THRB: variants seen among roughly 807,000 people sequenced by gnomAD.
THRB encodes the protein nuclear receptor subfamily 1 group A member 2.
A neutral mutation model predicts 47.8 loss-of-function variants in THRB; 12 were observed. The ratio of observed to expected loss-of-function variants is 0.25; its 90% CI spans 0.16 to 0.41. The LOEUF is 0.41. Among genes scored for constraint, THRB ranks in the 10% least tolerant of loss-of-function variants. THRB has a pLI of 1.00. For synonymous variants in THRB, 218 were observed against 212.2 expected, an observed-to-expected ratio of 1.03 and a Z score of -0.24; for missense variants, 348 against 589.2, an observed-to-expected ratio of 0.59 and a Z score of 4.24.
chr3:24,306,837 C>T (rs1235246887), intron 2 of THRB, among the ~76,000 whole-genome samples: 3 of 152,150 alleles, frequency 2.0e-5, no homozygotes, highest in African/African-American at 7.2e-5. Flanking sequence ...TGGATGTAAA[C>T]AGTTGTCTCT....
At chr3:24,267,216 TAGTC>T (rs67848946) in intron 3 of THRB, among the ~76,000 whole-genome samples, 28,469 of 151,758 alleles carry the variant, frequency 0.19, 2,683 homozygotes, top group South Asian at 0.27. Flanking sequence ...TTTCATAAAA[TAGTC>T]AGTGAAGAGG....
intron 8 of THRB, among the ~76,000 whole-genome samples, chr3:24,135,041 G>A (rs1261020307): frequency 6.6e-6 from 1 of 152,162 alleles, no homozygotes; most frequent in Non-Finnish European, 1.5e-5. Flanking sequence ...TGATTCAGCA[G>A]GTCAGGGATG....
In THRB at chr3:24,228,635, A is replaced by AG. The variant is rs1491211266; in HGVS notation, c.22+302dup. On this transcript the variant is annotated intron_variant, in intron 4 of 10. Coordinates refer to ENST00000646209, the MANE Select transcript of THRB (RefSeq NM_001354712.2). ...GTGACAGAGCAAGACCATGTCTCAA[A>AG]GAAAAAAAAAAAAAAAAGGAAAAAA... 2.3e-5 allele frequency among the ~76,000 whole-genome samples: 3 copies of AG among 131,610 alleles called. No homozygotes were observed. In the South Asian group the frequency reaches 7.3e-4, roughly 32 times the overall value. 86.3% of individuals were successfully genotyped at this position (131,610 alleles called of 152,430 possible).
intron 1 of THRB, among the ~76,000 whole-genome samples, chr3:24,464,143 G>A (rs981590026): frequency 5.3e-5 from 8 of 152,000 alleles, no homozygotes; most frequent in Non-Finnish European, 1.0e-4. Flanking sequence ...CTACTCAAAA[G>A]GCTGAGGCAG....
chr3:24,453,993 C>T (rs1043905767), intron 1 of THRB, among the ~76,000 whole-genome samples: 9 of 152,102 alleles, frequency 5.9e-5, no homozygotes, highest in Non-Finnish European at 1.3e-4. Context: ...TCTTAGCACC[C>T]GCTCTCTACT....
chr3:24,369,945 G>A (rs748251163), intron 1 of THRB, among the ~76,000 whole-genome samples: 7 of 152,138 alleles, frequency 4.6e-5, no homozygotes, highest in Non-Finnish European at 1.0e-4. Context: ...CAAATCCCAT[G>A]TTTTAGAGCT....
In THRB at chr3:24,251,223, T is replaced by C. The variant is rs2050635222; in HGVS notation, c.-42-22222A>G. 3.9e-5 allele frequency among the ~76,000 whole-genome samples: 6 copies of C among 152,248 alleles called. No homozygotes were observed. In the South Asian group the frequency reaches 8.3e-4, roughly 21 times the overall value. ...AATGCTGTACTTACTAAAGGAAATA[T>C]CTTAAATGTCATAGTTTTATACATT... is the stretch of plus-strand genomic sequence containing the variant. On this transcript the variant is annotated intron_variant, in intron 3 of 10. Transcript: ENST00000646209.
Position 24,143,540 on chromosome 3 carries a change from G to A in THRB, c.699C>T (p.Asn233=), listed in dbSNP as rs759545673. The A allele has an allele frequency of 2.7e-5, 44 of 1,614,080 alleles. No individual in the cohort carries two copies. The highest frequency in any genetic ancestry group is 1.6e-4 in the Middle Eastern group (1 of 6,082). The change falls in exon 8 of 11, where the codon AAC becomes AAT. Residue 233 remains asparagine, a synonymous_variant. Transcript: ENST00000646209. The part of the protein sequence containing the change: ...KTVTEAHVAT[N]AQGSHWKQKR... Reference sequence around the variant, plus strand: ...TTTGCTTCCAGTGGCTGCCTTGGGCGTTGGTCGCCACATGGGCTTCGGTGA... The same window carrying A: ...TTTGCTTCCAGTGGCTGCCTTGGGCATTGGTCGCCACATGGGCTTCGGTGA...
chr3:24,374,923 A>G (rs1226948487), intron 1 of THRB, among the ~76,000 whole-genome samples: 3 of 152,110 alleles, frequency 2.0e-5, no homozygotes, highest in Non-Finnish European at 4.4e-5. Context: ...AAATTTCACC[A>G]TACTTACCAG....
chr3:24,475,247 TTTAAG>T (rs879681958), intron 1 of THRB, among the ~76,000 whole-genome samples: 7 of 152,134 alleles, frequency 4.6e-5, no homozygotes, highest in Non-Finnish European at 1.0e-4. Flanking sequence ...TTTGATATTA[TTTAAG>T]TTAATATTTT....
At chr3:24,303,570 GA>G (rs1355363431) in intron 2 of THRB, among the ~76,000 whole-genome samples, 5 of 152,124 alleles carry the variant, frequency 3.3e-5, no homozygotes, top group African/African-American at 9.7e-5. Flanking sequence ...AGGCCCAGCT[GA>G]GATCCCCTGA....
At chr3:24,293,889 T>A (rs1454836170) in intron 3 of THRB, among the ~76,000 whole-genome samples, 6 of 152,174 alleles carry the variant, frequency 3.9e-5, no homozygotes, top group Non-Finnish European at 8.8e-5. Context: ...TTGTTTTCCT[T>A]CAGAGTCTGA....
In THRB at chr3:24,119,238, C is replaced by G. The variant is rs1459450129; in HGVS notation, c.*3646G>C. On this transcript the variant is annotated 3_prime_UTR_variant, in exon 11 of 11. Transcript: ENST00000646209. ...AAAAATTACGAGCTTATTTTAGAAC[C>G]TGATGCCATAGCCGTTGGAAAGGGC... The G allele has an allele frequency of 6.6e-6, 1 of 152,206 alleles. No individual in the cohort carries two copies. The highest frequency in any genetic ancestry group is 1.5e-5 in the Non-Finnish European group (1 of 67,982). 9.4% of individuals were successfully genotyped at this position (152,206 alleles called of 1,614,324 possible).
intron 3 of THRB, among the ~76,000 whole-genome samples, chr3:24,249,911 G>C (rs188900288): frequency 6.6e-6 from 1 of 152,122 alleles, no homozygotes; most frequent in African/African-American, 2.4e-5. Context: ...ATTTCCACAT[G>C]GCACCATGAA....
At chr3:24,417,138 A>G (rs55824170) in intron 1 of THRB, among the ~76,000 whole-genome samples, 139,545 of 151,200 alleles carry the variant, frequency 0.92, 64,671 homozygotes, top group Non-Finnish European at 0.96. Context: ...ACACACACAC[A>G]CGCGCAACGC....
At chr3:24,437,240 G>A (rs2071059482) in intron 1 of THRB, among the ~76,000 whole-genome samples, 1 of 151,268 alleles carries the variant, frequency 6.6e-6, no homozygotes, top group Non-Finnish European at 1.5e-5. Flanking sequence ...CAGCAATATG[G>A]AACAGAATTG....
chr3:24,236,778 A>G (rs2048918409), intron 3 of THRB, among the ~76,000 whole-genome samples: 1 of 152,196 alleles, frequency 6.6e-6, no homozygotes, highest in Non-Finnish European at 1.5e-5. Flanking sequence ...GGACACAGAA[A>G]TAAATTTGTT....
At chr3:24,318,053 G>A (rs745313201) in intron 2 of THRB, among the ~76,000 whole-genome samples, 39 of 151,930 alleles carry the variant, frequency 2.6e-4, no homozygotes, top group Non-Finnish European at 1.0e-4. Flanking sequence ...AAGAATGAAC[G>A]AATGAAAAGA....
At position 24,428,730 on chromosome 3, in the gene THRB, G is replaced by A. The variant is rs527549155; in HGVS notation, c.-261+65922C>T. Among the ~76,000 whole-genome samples the A allele has an allele frequency of 5.1e-4, 77 of 152,066 alleles. 1 individual carries two copies. Among genetic ancestry groups the A allele is most frequent in the Non-Finnish European group, 8.8e-5 (6 of 67,942 alleles). ...AGACCCACAGCTTGAGCCAGATGGT[G>A]CAATGTTAGCATTAGACAAAGAGGA... On this transcript the variant is annotated intron_variant, in intron 1 of 10. Transcript: ENST00000646209.
Sources: gnomAD v4.1 joint callset for allele counts (sites outside exome capture counted in the v4.1 genomes callset) on GRCh38, gnomAD v4.1.1 for gene constraint, MANE v1.5 for transcripts, NCBI Gene and HGNC (gene_info 2026-07-23, HGNC 2026-07-21) for gene names.